Variants in UNC80 observed in about 807,000 individuals in gnomAD.
UNC80 encodes the protein protein unc-80 homolog.
In UNC80, 164 loss-of-function variants were observed where a neutral mutation model predicts 384.6. The ratio of observed to expected loss-of-function variants is 0.43; its 90% CI spans 0.38 to 0.49. The LOEUF is 0.49. Among genes scored for constraint, UNC80 ranks in the 20% least tolerant of loss-of-function variants. UNC80 has a pLI of 0.00. For missense variants in UNC80, 3,330 were observed against 4,143.0 expected (o/e 0.80, Z 5.39); for synonymous variants, 1,486 against 1,527.8 (o/e 0.97, Z 0.64).
At chr2:209,924,634 A>G (rs2090287486) in intron 35 of UNC80, among the ~76,000 whole-genome samples, 1 of 152,092 alleles carries the variant, frequency 6.6e-6, no homozygotes, top group Admixed American at 6.5e-5. Flanking sequence ...CATCTAGATA[A>G]CCAGGAATAT....
rs796199021 is a variant in UNC80 at position 209,995,358 on chromosome 2, AAAG to A, written c.9739_9741del (p.Lys3247del). Reference sequence around the variant, plus strand: ...AGAACTTCCCCACTGAAGAAGGAGAAAAGGAGGAGGACACAGAAGCACAAGGTG... The same window carrying A: ...AGAACTTCCCCACTGAAGAAGGAGAAGAGGAGGACACAGAAGCACAAGGTG... On this transcript the variant is annotated inframe_deletion, in exon 65 of 65. Transcript: ENST00000673920. 6.4e-6 allele frequency: 10 copies of A among 1,552,230 alleles called. No homozygotes were observed. The African/African-American group carries it at 8.2e-5, about 13-fold the overall frequency.
At chr2:209,785,805 C>T (rs2077393270) in intron 4 of UNC80, among the ~76,000 whole-genome samples, 1 of 152,188 alleles carries the variant, frequency 6.6e-6, no homozygotes, top group African/African-American at 2.4e-5. Context: ...TTGTGTATCC[C>T]ATGCTTTGCC....
chr2:209,950,016 T>G (rs1321480720), intron 47 of UNC80, among the ~76,000 whole-genome samples: 2 of 148,830 alleles, frequency 1.3e-5, no homozygotes, highest in Non-Finnish European at 3.0e-5. Context: ...TTTTGAGAGA[T>G]AAAGAAAGTC....
intron 26 of UNC80, 145 bp from the exon 27 acceptor site, chr2:209,894,018 G>C: frequency 2.8e-6 from 1 of 359,336 alleles, no homozygotes. Flanking sequence ...CTGCAGGACT[G>C]GGGGCTTGGG....
chr2:209,995,401 C>G lies in UNC80; in HGVS notation c.9781C>G (p.Pro3261Ala). ...AGCACAAGGTGCTACTGCACACAGT[C>G]CACTCTCTGCCCAACTCTCTGACCC... The part of the protein sequence containing the change: ...TEAQGATAHS[P>A]LSAQLSDPDD... The change falls in exon 65 of 65, where the codon CCA becomes GCA. Residue 3261 changes from proline (P) to alanine (A), a missense_variant. Coordinates refer to ENST00000673920, the MANE Select transcript of UNC80 (RefSeq NM_001371986.1). The G allele has an allele frequency of 1.3e-6, 2 of 1,552,012 alleles. No individual in the cohort carries two copies. The highest frequency in any genetic ancestry group is 1.7e-6 in the Non-Finnish European group (2 of 1,147,060).
intron 22 of UNC80, among the ~76,000 whole-genome samples, chr2:209,850,148 A>T (rs2082421938): frequency 6.6e-6 from 1 of 152,106 alleles, no homozygotes; most frequent in South Asian, 2.1e-4. Context: ...TGAATTGCAC[A>T]AACACTTTGA....
At position 209,846,990 on chromosome 2, in the gene UNC80, G is replaced by A. The variant is rs941693454; in HGVS notation, c.3455-2461G>A. Among the ~76,000 whole-genome samples the A allele has an allele frequency of 8.5e-5, 13 of 152,142 alleles. No individual in the cohort carries two copies. In the South Asian group the frequency reaches 2.7e-3, roughly 32 times the overall value. Reference sequence around the variant, plus strand: ...TCTAACATGATCACTACCTTCAGCAGAGTATAAAAGTCTGACCTTCTTCCA... The same window carrying A: ...TCTAACATGATCACTACCTTCAGCAAAGTATAAAAGTCTGACCTTCTTCCA... On this transcript the variant is annotated intron_variant, in intron 21 of 64. Coordinates refer to ENST00000673920, the MANE Select transcript of UNC80 (RefSeq NM_001371986.1).
intron 7 of UNC80, among the ~76,000 whole-genome samples, chr2:209,802,283 A>T (rs1375860539): frequency 1.3e-5 from 2 of 152,190 alleles, no homozygotes; most frequent in African/African-American, 4.8e-5. Flanking sequence ...TTATTTCAAA[A>T]TTATTAAAAG....
chr2:209,988,687 ATTGTTT>A (rs1170305515), intron 61 of UNC80, among the ~76,000 whole-genome samples: 1 of 152,170 alleles, frequency 6.6e-6, no homozygotes, highest in East Asian at 1.9e-4. Flanking sequence ...CTATGTCAGA[ATTGTTT>A]TCCTAACATT....
chr2:209,923,612 A>G (rs2090208741), intron 35 of UNC80, among the ~76,000 whole-genome samples: 2 of 152,110 alleles, frequency 1.3e-5, no homozygotes, highest in South Asian at 4.1e-4. Context: ...TGATATGCAG[A>G]TATTTGTATA....
chr2:209,886,094 G>A (rs1226034212), intron 25 of UNC80, among the ~76,000 whole-genome samples: 1 of 151,746 alleles, frequency 6.6e-6, no homozygotes, highest in Non-Finnish European at 1.5e-5. Flanking sequence ...AGAATCAAAA[G>A]CATAAGATTT....
At chr2:209,988,622 A>G (rs967178012) in intron 61 of UNC80, among the ~76,000 whole-genome samples, 18 of 152,214 alleles carry the variant, frequency 1.2e-4, no homozygotes, top group Admixed American at 7.2e-4. Context: ...AGATGCATAC[A>G]TATTTATATA....
rs548345520 is a variant in UNC80, at chr2:209,978,402, A to G, written c.8939-127A>G. 2.4e-4 allele frequency: 180 copies of G among 747,464 alleles called. 3 individuals are homozygous for G. In the South Asian group the frequency reaches 7.5e-3, roughly 31 times the overall value. The allele number at this position is 747,464 out of a possible 1,614,324, so 46.3% of individuals were successfully genotyped here. On this transcript the variant is annotated intron_variant, in intron 58 of 64. Transcript: ENST00000673920. ...ACTTTCATTTGCAACTTTGTTATAA[A>G]GATCATTTGTCTGGGACACATTATT...
intron 42 of UNC80, among the ~76,000 whole-genome samples, chr2:209,938,710 C>CTCTCTCTCTCTGTGTGTGTG (rs1491352008): frequency 9.6e-5 from 8 of 83,506 alleles, no homozygotes; most frequent in African/African-American, 2.3e-4. Context: ...CTCTCTCTCT[C>CTCTCTCTCTCTGTGTGTGTG]TGTGTGTGTG....
chr2:209,983,353 A>G (rs1414971077), intron 60 of UNC80, among the ~76,000 whole-genome samples: 1 of 152,202 alleles, frequency 6.6e-6, no homozygotes, highest in Admixed American at 6.5e-5. Context: ...AACAAGTTGC[A>G]TACTTTTTAA....
chr2:209,911,264 C>G (rs911981594), intron 29 of UNC80, among the ~76,000 whole-genome samples: 7 of 152,218 alleles, frequency 4.6e-5, no homozygotes, highest in South Asian at 2.1e-4. Context: ...AAAACTATTG[C>G]TATATATGAT....
At position 209,852,166 on chromosome 2, in the gene UNC80, T is replaced by C. The variant is rs556627600; in HGVS notation, c.3627+2543T>C. ...CTAGACTGGATCCAGTAGGGGTGAA[T>C]GTACAGGAGGATCAAGCAGTGTGTG... On this transcript the variant is annotated intron_variant, in intron 22 of 64. Coordinates refer to ENST00000673920, the MANE Select transcript of UNC80 (RefSeq NM_001371986.1). Among the ~76,000 whole-genome samples, 23 of 152,020 alleles carry C rather than the reference T, an allele frequency of 1.5e-4. 1 individual carries two copies. The highest frequency in any genetic ancestry group is 5.5e-4 in the African/African-American group (23 of 41,490).
rs2093469450 is a variant in UNC80 at position 209,995,464 on chromosome 2, C to T, written c.9844C>T (p.Gln3282Ter). ...FTGLETSSLL[Q>*]HGDTVLHISE... is the part of the protein sequence containing the mutation. ...AGGCCTCGAGACATCCAGCCTCCTACAGCATGGAGACACTGTCCTTCATAT... is the reference window on the plus strand; with the variant it reads ...AGGCCTCGAGACATCCAGCCTCCTATAGCATGGAGACACTGTCCTTCATAT... The change falls in exon 65 of 65, where the codon CAG (glutamine) becomes TAG (stop). Residue 3282 changes from glutamine (Q) to a stop codon, truncating the protein, a stop_gained. Transcript: ENST00000673920. LOFTEE classifies it high-confidence loss of function. 1 of 1,551,892 alleles carries T rather than the reference C, an allele frequency of 6.4e-7. No individual in the cohort carries two copies. The highest frequency in any genetic ancestry group is 8.7e-7 in the Non-Finnish European group (1 of 1,147,030).
At chr2:209,854,136 T>G (rs2082722305) in intron 22 of UNC80, among the ~76,000 whole-genome samples, 1 of 152,070 alleles carries the variant, frequency 6.6e-6, no homozygotes, top group Non-Finnish European at 1.5e-5. Flanking sequence ...TCACAAGATA[T>G]TTAATGATCA....
Sources: allele counts gnomAD v4.1 joint callset (sites outside exome capture counted in the v4.1 genomes callset), GRCh38; gene constraint gnomAD v4.1.1; transcripts MANE v1.5; gene names NCBI Gene and HGNC (gene_info 2026-07-23, HGNC 2026-07-21).